The following XKR9 variants were observed in gnomAD, a reference collection of about 807,000 sequenced individuals.
The protein encoded by XKR9 is XK related 9.
Under a neutral mutation model 32.0 loss-of-function variants are expected in XKR9, and 32 were observed. The observed-to-expected ratio is 1.00, with a 90% CI of 0.76 to 1.34. The LOEUF is 1.34. XKR9 is among the 40% of genes most tolerant of loss of function. The probability of loss-of-function intolerance (pLI) is 0.00; values close to 1 mark genes in which losing one functional copy is unlikely to be tolerated. For missense variants in XKR9, 546 were observed against 429.7 expected (o/e 1.27, Z -2.39); for synonymous variants, 168 against 143.4 (o/e 1.17, Z -1.22).
chr8:70,740,007 G>A (rs1806941988), downstream of XKR9, among the ~76,000 whole-genome samples: 1 of 152,140 alleles, frequency 6.6e-6, no homozygotes, highest in South Asian at 2.1e-4. Flanking sequence ...GTATGTGAAT[G>A]TTGGCCTGCC....
chr8:70,728,087 A>T (rs563302651), intron 4 of XKR9, among the ~76,000 whole-genome samples: 4 of 152,136 alleles, frequency 2.6e-5, no homozygotes, highest in Non-Finnish European at 4.4e-5. Flanking sequence ...CTTTTTTTAA[A>T]CTAGAAACTA....
the XKR9 span, among the ~76,000 whole-genome samples, chr8:70,839,326 T>C: frequency 6.6e-6 from 1 of 152,290 alleles, no homozygotes; most frequent in East Asian, 1.9e-4. Context: ...TTTAACCTCC[T>C]GAATCTGCAC....
At chr8:70,805,074 C>G in the XKR9 span, among the ~76,000 whole-genome samples, 10 of 152,226 alleles carry the variant, frequency 6.6e-5, no homozygotes, top group South Asian at 1.7e-3. Flanking sequence ...CACTGGCAAC[C>G]AAGGTATCCA....
At chr8:70,902,550 T>G in the XKR9 span, among the ~76,000 whole-genome samples, 11 of 152,234 alleles carry the variant, frequency 7.2e-5, no homozygotes, top group Admixed American at 2.6e-4. Flanking sequence ...AAGGAGATTT[T>G]GGGCTGAGTT....
chr8:70,751,195 T>C (rs543425571), intron 2 of XKR9, among the ~76,000 whole-genome samples: 2 of 152,260 alleles, frequency 1.3e-5, no homozygotes, highest in South Asian at 4.1e-4. Flanking sequence ...GTGGCGCGAT[T>C]CGGCTCACTG....
chr8:71,038,088 G>GT, the XKR9 span, among the ~76,000 whole-genome samples: 953 of 151,778 alleles, frequency 6.3e-3, 10 homozygotes, highest in African/African-American at 0.022. Flanking sequence ...TTTTTAAAGG[G>GT]TTTTTTTTAG....
At chr8:70,678,455 C>T (rs1169298458) in intron 2 of XKR9, among the ~76,000 whole-genome samples, 1 of 152,100 alleles carries the variant, frequency 6.6e-6, no homozygotes, top group African/African-American at 2.4e-5. Flanking sequence ...ATAAGTTCCA[C>T]AGGGGCAGGA....
chr8:71,064,839 T>TA, the XKR9 span, among the ~76,000 whole-genome samples: 89 of 152,316 alleles, frequency 5.8e-4, no homozygotes, highest in East Asian at 0.016. Flanking sequence ...AAGGTCTCTC[T>TA]AAGGACTTTT....
intron 2 of XKR9, among the ~76,000 whole-genome samples, chr8:70,767,154 G>A (rs1372025602): frequency 6.6e-6 from 1 of 152,100 alleles, no homozygotes; most frequent in Non-Finnish European, 1.5e-5. Flanking sequence ...CTATTGTTTG[G>A]AATAGTTTCA....
chr8:70,895,918 G>A, the XKR9 span, among the ~76,000 whole-genome samples: 1 of 152,082 alleles, frequency 6.6e-6, no homozygotes. Context: ...TGAGGCAAGA[G>A]GATTGCTTGA....
In XKR9 at chr8:70,735,017, G is replaced by T. The variant is rs1806818228; in HGVS notation, c.*593G>T. On this transcript the variant is annotated 3_prime_UTR_variant, in exon 5 of 5. Coordinates refer to ENST00000408926, the MANE Select transcript of XKR9 (RefSeq NM_001011720.2). ...TATTTCCTAGCTTTTCTGAATTAAT[G>T]CACTCTTAACATATAATTATATTAA... 1 of 152,208 alleles carries T rather than the reference G, an allele frequency of 6.6e-6. No homozygotes were observed. The allele number at this position is 152,208 out of a possible 1,614,324, so 9.4% of individuals were successfully genotyped here. A position where few individuals can be genotyped will look rare whatever the true frequency, so the allele number is the denominator to read the frequency against.
intron 2 of XKR9, among the ~76,000 whole-genome samples, chr8:70,762,657 G>C (rs1409052859): frequency 2.6e-5 from 4 of 152,032 alleles, no homozygotes; most frequent in Non-Finnish European, 5.9e-5. Context: ...GGTATTTTTT[G>C]AAAATAATAA....
At chr8:70,742,662 T>A (rs1232206673) in intron 2 of XKR9, among the ~76,000 whole-genome samples, 1 of 152,152 alleles carries the variant, frequency 6.6e-6, no homozygotes, top group Non-Finnish European at 1.5e-5. Context: ...ATATTTTTGT[T>A]GGATATAGAG....
chr8:70,879,938 G>A, the XKR9 span, among the ~76,000 whole-genome samples: 5 of 152,144 alleles, frequency 3.3e-5, no homozygotes, highest in South Asian at 8.3e-4. Flanking sequence ...CGATCGAATC[G>A]GCTTCATCCC....
chr8:70,815,218 G>A, the XKR9 span, among the ~76,000 whole-genome samples: 1 of 151,796 alleles, frequency 6.6e-6, no homozygotes, highest in Admixed American at 6.6e-5. Flanking sequence ...TTGTTATATA[G>A]GTAAACTTGT....
chr8:70,960,733 G>T, the XKR9 span, among the ~76,000 whole-genome samples: 1 of 151,938 alleles, frequency 6.6e-6, no homozygotes. Context: ...ATAGCTGAAT[G>T]TAGTGGCAAG....
intron 2 of XKR9, among the ~76,000 whole-genome samples, chr8:70,741,668 TG>T (rs1260062267): frequency 6.6e-6 from 1 of 152,210 alleles, no homozygotes; most frequent in African/African-American, 2.4e-5. Context: ...AATGGATATT[TG>T]GGTTGCTTCC....
chr8:70,846,867 AG>A, the XKR9 span, among the ~76,000 whole-genome samples: 1 of 152,048 alleles, frequency 6.6e-6, no homozygotes, highest in Non-Finnish European at 1.5e-5. Context: ...ATTTAAAGGG[AG>A]AGATCAACTA....
chr8:71,038,365 G>A, the XKR9 span, among the ~76,000 whole-genome samples: 3 of 140,606 alleles, frequency 2.1e-5, no homozygotes, highest in East Asian at 6.4e-4. Flanking sequence ...CCATCACCCA[G>A]GCTGGAGTGC....
Sources: gnomAD v4.1 joint callset for allele counts (sites outside exome capture counted in the v4.1 genomes callset) on GRCh38, gnomAD v4.1.1 for gene constraint, MANE v1.5 for transcripts, NCBI Gene and HGNC (gene_info 2026-07-23, HGNC 2026-07-21) for gene names.